Variants in CALD1 observed in about 807,000 individuals in gnomAD.
The protein encoded by CALD1 is caldesmon.
CALD1 carries 33 observed loss-of-function variants against 99.9 expected under a neutral mutation model. The ratio of observed to expected loss-of-function variants is 0.33; its 90% CI spans 0.25 to 0.44. The LOEUF is 0.44. Among genes scored for constraint, CALD1 ranks in the 20% least tolerant of loss-of-function variants. The pLI, the probability that CALD1 is intolerant of heterozygous loss-of-function variation, is 1.00. For missense variants in CALD1, 861 were observed against 962.1 expected (o/e 0.89, Z 1.39); for synonymous variants, 310 against 325.0 (o/e 0.95, Z 0.50).
chr7:134,717,623 C>T, the CALD1 span, among the ~76,000 whole-genome samples: 1 of 152,224 alleles, frequency 6.6e-6, no homozygotes, highest in Non-Finnish European at 1.5e-5. Flanking sequence ...CATTCGCCCG[C>T]CTCCCTGTGC....
chr7:134,808,398 A>G (rs13224030), intron 1 of CALD1, among the ~76,000 whole-genome samples: 91,307 of 152,016 alleles, frequency 0.6, 27,893 homozygotes, highest in East Asian at 0.91. Context: ...ATGAGCCACC[A>G]CCTGGCCCCC....
At chr7:134,932,588 A>G (rs538056564) in intron 4 of CALD1, among the ~76,000 whole-genome samples, 32 of 152,376 alleles carry the variant, frequency 2.1e-4, no homozygotes, top group African/African-American at 7.5e-4. Context: ...TGCATGACCA[A>G]GCACATCACC....
intron 3 of CALD1, chr7:134,920,536 G>T: frequency 8.1e-7 from 1 of 1,236,526 alleles, no homozygotes; most frequent in Non-Finnish European, 1.0e-6. Flanking sequence ...TTCATGGGGA[G>T]TGTATTGCTG....
Position 134,783,640 on chromosome 7 carries a change from A to G in CALD1, c.-130+3891A>G, listed in dbSNP as rs1281804410. Reference sequence around the variant, plus strand: ...TGTTGTTCTTCCCTGTGTTGTTGCTATGGAAACCTTTGAGAATCTGATAAA... The same window carrying G: ...TGTTGTTCTTCCCTGTGTTGTTGCTGTGGAAACCTTTGAGAATCTGATAAA... On this transcript the variant is annotated intron_variant, in intron 1 of 14. Transcript: ENST00000361675. This position sits in a 1 kb window ranked among gnomAD's most constrained non-coding sequence, Gnocchi z 4.3. Among the ~76,000 whole-genome samples the G allele has an allele frequency of 6.6e-6, 1 of 152,132 alleles. No individual in the cohort carries two copies. Among genetic ancestry groups the G allele is most frequent in the Non-Finnish European group, 1.5e-5 (1 of 68,022 alleles).
At chr7:134,786,601 T>A (rs1382214855) in intron 1 of CALD1, among the ~76,000 whole-genome samples, 2 of 152,210 alleles carry the variant, frequency 1.3e-5, no homozygotes, top group Non-Finnish European at 2.9e-5. Flanking sequence ...CCTCTATTTT[T>A]TTTTCATTCG....
chr7:134,789,031 TAAAAAA>T (rs35315682), intron 1 of CALD1, among the ~76,000 whole-genome samples: 1 of 116,826 alleles, frequency 8.6e-6, no homozygotes, highest in East Asian at 2.5e-4. Context: ...AAACAAAAAG[TAAAAAA>T]AAAAAAAAAA....
At chr7:134,723,585 C>T in the CALD1 span, among the ~76,000 whole-genome samples, 7 of 104,130 alleles carry the variant, frequency 6.7e-5, no homozygotes, top group African/African-American at 2.6e-4. Flanking sequence ...AAGCTCAAAA[C>T]CAGTTTTAAA....
At chr7:134,740,424 G>T (rs1796583007), upstream of CALD1, among the ~76,000 whole-genome samples, 1 of 152,068 alleles carries the variant, frequency 6.6e-6, no homozygotes, top group Non-Finnish European at 1.5e-5. Flanking sequence ...TTATTTTTAG[G>T]TCCAAAAAAG....
chr7:134,937,259 C>T (rs1463037158), intron 6 of CALD1, among the ~76,000 whole-genome samples: 7 of 152,158 alleles, frequency 4.6e-5, no homozygotes, highest in African/African-American at 1.4e-4. Flanking sequence ...AGTTGCCACT[C>T]GGATGATCCT....
At chr7:134,869,541 T>G (rs1800965624) in intron 3 of CALD1, among the ~76,000 whole-genome samples, 1 of 152,132 alleles carries the variant, frequency 6.6e-6, no homozygotes, top group Non-Finnish European at 1.5e-5. Flanking sequence ...AGCAAACCTT[T>G]TAGGAGAGCA....
chr7:134,824,733 G>A (rs974403), intron 1 of CALD1, among the ~76,000 whole-genome samples: 90,304 of 151,726 alleles, frequency 0.6, 27,410 homozygotes, highest in East Asian at 0.95. Context: ...TTTTTTCCCA[G>A]TTCCCCCTCA....
the CALD1 span, among the ~76,000 whole-genome samples, chr7:134,720,605 T>C: frequency 6.6e-6 from 1 of 151,996 alleles, no homozygotes; most frequent in East Asian, 1.9e-4. Context: ...ATAAAGTAAA[T>C]AGTAAAAATA....
chr7:134,817,534 C>T (rs770721164), intron 1 of CALD1, among the ~76,000 whole-genome samples: 5 of 152,198 alleles, frequency 3.3e-5, no homozygotes, highest in Middle Eastern at 3.4e-3. Flanking sequence ...ATTACAACCA[C>T]GGGGTTCCTC....
chr7:134,910,101 A>G (rs1803691139), intron 3 of CALD1, among the ~76,000 whole-genome samples: 1 of 152,222 alleles, frequency 6.6e-6, no homozygotes, highest in Admixed American at 6.5e-5. Context: ...GATATATTTA[A>G]TAATGAAACT....
chr7:134,904,000 A>G (rs1484810345), intron 3 of CALD1, among the ~76,000 whole-genome samples: 1 of 152,072 alleles, frequency 6.6e-6, no homozygotes, highest in Non-Finnish European at 1.5e-5. Flanking sequence ...AGGCAGGCGG[A>G]TCACCTGAGA....
At chr7:134,839,835 A>G (rs1381545170) in intron 1 of CALD1, among the ~76,000 whole-genome samples, 1 of 152,128 alleles carries the variant, frequency 6.6e-6, no homozygotes, top group African/African-American at 2.4e-5. Context: ...GACTACAGGC[A>G]TGCACCACCA....
chr7:134,911,833 G>T (rs1803835650), intron 3 of CALD1, among the ~76,000 whole-genome samples: 1 of 152,144 alleles, frequency 6.6e-6, no homozygotes, highest in Non-Finnish European at 1.5e-5. Flanking sequence ...TATAAAACTT[G>T]ACTTGCTTTC....
In CALD1 at chr7:134,800,070, T is replaced by C. The variant is rs539993393; in HGVS notation, c.-130+20321T>C. Among the ~76,000 whole-genome samples the C allele has an allele frequency of 1.8e-4, 28 of 152,244 alleles. 1 individual carries two copies. Among genetic ancestry groups the C allele is most frequent in the African/African-American group, 6.7e-4 (28 of 41,558 alleles). On this transcript the variant is annotated intron_variant, in intron 1 of 14. Transcript: ENST00000361675. ...GAAAATCAGGGTTATAAAAAAAGAT[T>C]GGTAAATTGCAGATCATTTAAACAT...
chr7:134,883,473 A>C (rs1801702611), intron 3 of CALD1, among the ~76,000 whole-genome samples: 1 of 152,120 alleles, frequency 6.6e-6, no homozygotes, highest in South Asian at 2.1e-4. Context: ...ATTTTTACTA[A>C]ATATTTTCCC....
Sources: allele counts gnomAD v4.1 joint callset (sites outside exome capture counted in the v4.1 genomes callset), GRCh38; gene constraint gnomAD v4.1.1; non-coding constraint Gnocchi (gnomAD v3.1); transcripts MANE v1.5; gene names NCBI Gene and HGNC (gene_info 2026-07-23, HGNC 2026-07-21).